ECPAS: variants seen among roughly 807,000 people sequenced by gnomAD.
The protein encoded by ECPAS is Ecm29 proteasome adaptor and scaffold.
In ECPAS, 70 loss-of-function variants were observed where a neutral mutation model predicts 255.1. The observed-to-expected ratio is 0.27, with a 90% CI of 0.23 to 0.33. The LOEUF is 0.33. Ranked by LOEUF, ECPAS falls within the 10% of genes least tolerant of loss-of-function variation. The pLI is 1.00. For synonymous variants in ECPAS, 784 were observed against 775.0 expected, an observed-to-expected ratio of 1.01 and a Z score of -0.19; for missense variants, 1,817 against 2,206.4, an observed-to-expected ratio of 0.82 and a Z score of 3.54.
chr9:111,394,746 T>C (rs2098165200), intron 25 of ECPAS, among the ~76,000 whole-genome samples: 1 of 152,204 alleles, frequency 6.6e-6, no homozygotes, highest in Non-Finnish European at 1.5e-5. Flanking sequence ...AAAGCTGTGC[T>C]ATACACTGCA....
chr9:111,442,882 T>G (rs1482764594), intron 4 of ECPAS, among the ~76,000 whole-genome samples: 1 of 152,204 alleles, frequency 6.6e-6, no homozygotes, highest in East Asian at 1.9e-4. Flanking sequence ...CTGTGGTTCC[T>G]CACTCCAGTA....
At position 111,471,172 on chromosome 9, in the gene ECPAS, T is replaced by C. The variant is rs565069145; in HGVS notation, c.22+1725A>G. 8.5e-5 allele frequency among the ~76,000 whole-genome samples: 13 copies of C among 152,336 alleles called. No individual in the cohort carries two copies. The East Asian group carries it at 2.3e-3, about 27-fold the overall frequency. ...CTATTTAAATCCTAGCAGTTGTAGCTTCACTTTGCCTTCAGTATATCATAA... is the reference window on the plus strand; with the variant it reads ...CTATTTAAATCCTAGCAGTTGTAGCCTCACTTTGCCTTCAGTATATCATAA... On this transcript the variant is annotated intron_variant, in intron 2 of 49. Coordinates refer to ENST00000684092, the MANE Select transcript of ECPAS (RefSeq NM_001364929.1).
intron 46 of ECPAS, among the ~76,000 whole-genome samples, chr9:111,366,831 A>C (rs2098120938): frequency 6.6e-6 from 1 of 152,226 alleles, no homozygotes. Context: ...AAATTTCCCC[A>C]AAAACTTCAG....
Position 111,478,356 on chromosome 9 carries a change from G to A in ECPAS, c.-82-5356C>T, listed in dbSNP as rs566017774. On this transcript the variant is annotated intron_variant, in intron 1 of 49. Coordinates refer to ENST00000684092, the MANE Select transcript of ECPAS (RefSeq NM_001364929.1). Reference sequence around the variant, plus strand: ...AGCCTGGCCAACATGGTGAAACCCCGTCTCTACTAAAAATACAAAAATAAG... The same window carrying A: ...AGCCTGGCCAACATGGTGAAACCCCATCTCTACTAAAAATACAAAAATAAG... Among the ~76,000 whole-genome samples the A allele has an allele frequency of 3.0e-3, 451 of 151,822 alleles. 2 individuals carry two copies. The highest frequency in any genetic ancestry group is 0.01 in the Middle Eastern group (3 of 294).
chr9:111,416,972 T>G (rs541425767), intron 17 of ECPAS, among the ~76,000 whole-genome samples: 1 of 152,160 alleles, frequency 6.6e-6, no homozygotes, highest in African/African-American at 2.4e-5. Flanking sequence ...GGGAAGAACA[T>G]GAACTGTTCC....
intron 9 of ECPAS, among the ~76,000 whole-genome samples, chr9:111,428,821 A>G (rs531616338): frequency 4.6e-5 from 7 of 152,252 alleles, no homozygotes; most frequent in Non-Finnish European, 8.8e-5. Context: ...CTCTTATACT[A>G]TATTCCACTG....
At chr9:111,466,317 C>T (rs2098279488) in intron 2 of ECPAS, among the ~76,000 whole-genome samples, 1 of 151,910 alleles carries the variant, frequency 6.6e-6, no homozygotes, top group Non-Finnish European at 1.5e-5. Flanking sequence ...TGATGGTGTG[C>T]ATCTGTAATC....
At chr9:111,374,384 G>A (rs1372974235) in intron 38 of ECPAS, among the ~76,000 whole-genome samples, 5 of 152,066 alleles carry the variant, frequency 3.3e-5, no homozygotes, top group Admixed American at 6.5e-5. Flanking sequence ...ACTCATCACA[G>A]TGCTTTACTA....
In ECPAS at chr9:111,372,461, A is replaced by G; in HGVS notation, c.4496T>C (p.Leu1499Ser). The G allele has an allele frequency of 6.2e-7, 1 of 1,613,880 alleles. No individual in the cohort carries two copies. Residue 1499 changes from leucine (L) to serine (S), a missense_variant, in exon 42 of 50, where the codon TTA becomes TCA. Around this residue, in one of 4 missense-constraint regions of ECPAS, gnomAD observed 960 missense variants for 1,179.0 expected, o/e 0.81. Coordinates refer to ENST00000684092, the MANE Select transcript of ECPAS (RefSeq NM_001364929.1). ...GTTTTCCTGCCACACTTCGGTCCAT[A>G]AATTACATTCTTCTTTTTCGGATTT... Reference protein sequence around the residue: ...EEKSEKEECNLWTEVWQENVP... With the variant: ...EEKSEKEECNSWTEVWQENVP...
chr9:111,384,821 T>G (rs1249199645), intron 33 of ECPAS, among the ~76,000 whole-genome samples: 2 of 152,220 alleles, frequency 1.3e-5, no homozygotes, highest in East Asian at 1.9e-4. Context: ...TATTAACAGT[T>G]GAGAAACTAA....
chr9:111,445,932 G>T (rs567272728), intron 3 of ECPAS, among the ~76,000 whole-genome samples: 1 of 152,094 alleles, frequency 6.6e-6, no homozygotes, highest in East Asian at 1.9e-4. Flanking sequence ...GTGGTGTTTG[G>T]TTTTCTGTCT....
intron 34 of ECPAS, 85 bp downstream of exon 34, chr9:111,384,437 T>C: frequency 8.0e-7 from 1 of 1,250,842 alleles, no homozygotes; most frequent in Admixed American, 1.7e-5. Context: ...ACTAAATGTC[T>C]TTTCCTATGA....
intron 36 of ECPAS, among the ~76,000 whole-genome samples, chr9:111,377,305 TAAAA>T (rs911748297): frequency 2.0e-5 from 3 of 151,648 alleles, no homozygotes; most frequent in African/African-American, 4.9e-5. Flanking sequence ...ATATATAAAT[TAAAA>T]AAACAGTCAA....
At chr9:111,384,952 C>T (rs921988504) in intron 33 of ECPAS, among the ~76,000 whole-genome samples, 8 of 152,040 alleles carry the variant, frequency 5.3e-5, no homozygotes, top group Non-Finnish European at 1.0e-4. Context: ...TGGTAAAATA[C>T]CAAAATACCT....
At chr9:111,477,115 T>C (rs1357331603) in intron 1 of ECPAS, among the ~76,000 whole-genome samples, 2 of 151,242 alleles carry the variant, frequency 1.3e-5, no homozygotes, top group African/African-American at 4.9e-5. Flanking sequence ...TTTTCTTTTT[T>C]TTCTTTTTTT....
chr9:111,419,892 C>T (rs2098210676), intron 16 of ECPAS, 125 bp downstream of exon 16: 1 of 648,100 alleles, frequency 1.5e-6, no homozygotes, highest in Non-Finnish European at 2.7e-6. Flanking sequence ...CATCAAGAGC[C>T]ATACTTTCTT....
chr9:111,403,360 G>C (rs533015822), intron 24 of ECPAS, among the ~76,000 whole-genome samples: 2 of 128,372 alleles, frequency 1.6e-5, no homozygotes, highest in African/African-American at 3.0e-5. Context: ...ATCTCCGAAA[G>C]AAAAAAAAAA....
At chr9:111,437,230 T>A in intron 6 of ECPAS, 122 bp from the exon 7 acceptor site, 1 of 808,410 alleles carries the variant, frequency 1.2e-6, no homozygotes, top group Non-Finnish European at 1.7e-6. Flanking sequence ...AATGAACACT[T>A]GAAATTAAAA....
intron 24 of ECPAS, among the ~76,000 whole-genome samples, chr9:111,399,901 G>A (rs895939947): frequency 1.2e-4 from 18 of 152,246 alleles, no homozygotes; most frequent in Non-Finnish European, 1.6e-4. Context: ...AAGCATCAGC[G>A]GCAGTCAGGT....
Sources: allele counts gnomAD v4.1 joint callset (sites outside exome capture counted in the v4.1 genomes callset), GRCh38; gene constraint gnomAD v4.1.1; regional missense constraint gnomAD v4.1.1; transcripts MANE v1.5; gene names NCBI Gene and HGNC (gene_info 2026-07-23, HGNC 2026-07-21).